PDE4D: variants seen among roughly 807,000 people sequenced by gnomAD.
PDE4D encodes the protein 3',5'-cyclic-AMP phosphodiesterase 4D.
A neutral mutation model predicts 87.4 loss-of-function variants in PDE4D; 24 were observed. The observed-to-expected ratio is 0.27, with a 90% CI of 0.20 to 0.39. PDE4D has a LOEUF of 0.39. Ranked by LOEUF, PDE4D falls within the 10% of genes least tolerant of loss-of-function variation. The pLI is 1.00. For synonymous variants in PDE4D, 384 were observed against 383.2 expected, an observed-to-expected ratio of 1.00 and a Z score of -0.02; for missense variants, 714 against 1,041.0, an observed-to-expected ratio of 0.69 and a Z score of 4.32.
At chr5:59,817,748 C>CCCA (rs1769153424) in intron 1 of PDE4D, among the ~76,000 whole-genome samples, 2 of 150,738 alleles carry the variant, frequency 1.3e-5, no homozygotes, top group Non-Finnish European at 3.0e-5. Flanking sequence ...CCACACCCCC[C>CCCA]CCCACACACA....
intron 1 of PDE4D, among the ~76,000 whole-genome samples, chr5:59,254,527 G>A (rs537305822): frequency 4.3e-4 from 65 of 152,110 alleles, no homozygotes; most frequent in Non-Finnish European, 7.1e-4. Flanking sequence ...ACCTCATGGT[G>A]CCGGATGACT....
upstream of PDE4D, among the ~76,000 whole-genome samples, chr5:59,894,488 G>C (rs1025682576): frequency 1.1e-4 from 16 of 152,190 alleles, no homozygotes; most frequent in African/African-American, 3.9e-4. Flanking sequence ...CCACAGCAGG[G>C]AGAATGCCCA....
intron 1 of PDE4D, among the ~76,000 whole-genome samples, chr5:59,770,355 A>T (rs928528128): frequency 6.6e-6 from 1 of 152,190 alleles, no homozygotes; most frequent in African/African-American, 2.4e-5. Context: ...AAAGGATTGG[A>T]CAATACTTAG....
chr5:59,229,500 C>T (rs1014711260), intron 1 of PDE4D, among the ~76,000 whole-genome samples: 1 of 152,116 alleles, frequency 6.6e-6, no homozygotes, highest in African/African-American at 2.4e-5. Context: ...GCCATGCAAT[C>T]AGGGGTGGGA....
At chr5:60,012,561 G>A (rs1401417437) in intron 2 of PDE4D, among the ~76,000 whole-genome samples, 1 of 151,900 alleles carries the variant, frequency 6.6e-6, no homozygotes, top group East Asian at 1.9e-4. Context: ...TTCCCTCTGG[G>A]TAGGAACCAT....
intron 1 of PDE4D, among the ~76,000 whole-genome samples, chr5:60,518,521 A>G (rs188295744): frequency 8.1e-4 from 124 of 152,342 alleles, no homozygotes; most frequent in Middle Eastern, 3.4e-3. Flanking sequence ...GCAACCAGGA[A>G]AGAAGAGGAT....
intron 1 of PDE4D, among the ~76,000 whole-genome samples, chr5:59,887,252 G>C (rs746125705): frequency 2.0e-5 from 3 of 152,174 alleles, no homozygotes; most frequent in Non-Finnish European, 4.4e-5. Context: ...GTGGTATGGT[G>C]AGGTTTGGGG....
At chr5:59,675,823 G>A (rs1229633232) in intron 1 of PDE4D, among the ~76,000 whole-genome samples, 3 of 152,050 alleles carry the variant, frequency 2.0e-5, no homozygotes, top group Admixed American at 6.6e-5. Flanking sequence ...CCAAGTAGCA[G>A]GGACTACAGG....
rs963455442 is a variant in PDE4D, at chr5:58,971,769, T to C, written c.*2895A>G. On this transcript the variant is annotated 3_prime_UTR_variant, in exon 15 of 15. Coordinates refer to ENST00000340635, the MANE Select transcript of PDE4D (RefSeq NM_001104631.2). ...TTTTTTTCCCCATACAGTACCCAGA[T>C]ATTGCATTTTCTTATGGCATTTTAG... 1 of 152,634 alleles carries C rather than the reference T, an allele frequency of 6.6e-6. No homozygotes were observed. Among genetic ancestry groups the C allele is most frequent in the Non-Finnish European group, 1.5e-5 (1 of 68,020 alleles). 9.5% of individuals were successfully genotyped at this position (152,634 alleles called of 1,614,324 possible).
intron 6 of PDE4D, among the ~76,000 whole-genome samples, chr5:59,029,183 C>T (rs868552281): frequency 4.9e-4 from 74 of 151,034 alleles, no homozygotes; most frequent in African/African-American, 1.7e-3. Flanking sequence ...GAGGCCGAGG[C>T]GGGCAGATCA....
At chr5:60,351,209 C>T (rs970700159) in intron 1 of PDE4D, among the ~76,000 whole-genome samples, 1 of 152,168 alleles carries the variant, frequency 6.6e-6, no homozygotes, top group Non-Finnish European at 1.5e-5. Context: ...GTATAATCCC[C>T]GTCTAGCTCA....
At chr5:60,239,327 T>A (rs1746802280) in intron 1 of PDE4D, among the ~76,000 whole-genome samples, 1 of 152,132 alleles carries the variant, frequency 6.6e-6, no homozygotes, top group Non-Finnish European at 1.5e-5. Flanking sequence ...AATGTCTTAA[T>A]CACTATACTT....
At chr5:59,019,539 G>A (rs895268799) in intron 6 of PDE4D, among the ~76,000 whole-genome samples, 2 of 152,064 alleles carry the variant, frequency 1.3e-5, no homozygotes, top group African/African-American at 4.8e-5. Context: ...CTCTGTTCCA[G>A]AGAGGCTCAC....
At chr5:59,355,080 T>C (rs1781159697) in intron 1 of PDE4D, among the ~76,000 whole-genome samples, 1 of 152,194 alleles carries the variant, frequency 6.6e-6, no homozygotes, top group Admixed American at 6.5e-5. Flanking sequence ...ATGAAACTTG[T>C]TAAAATTACA....
At chr5:60,100,209 A>G (rs1776082111) in intron 2 of PDE4D, among the ~76,000 whole-genome samples, 1 of 152,056 alleles carries the variant, frequency 6.6e-6, no homozygotes, top group Non-Finnish European at 1.5e-5. Context: ...GTATATGTAT[A>G]TTTGTGTTTG....
chr5:59,484,501 C>A (rs760009261), intron 1 of PDE4D, among the ~76,000 whole-genome samples: 8 of 152,152 alleles, frequency 5.3e-5, no homozygotes, highest in Non-Finnish European at 1.2e-4. Flanking sequence ...CAGTTAAAGC[C>A]CCCACTGAAA....
rs181430640 is a variant in PDE4D at position 59,541,679 on chromosome 5, T to C, written c.456-325711A>G. Among the ~76,000 whole-genome samples the C allele has an allele frequency of 4.1e-3, 623 of 152,316 alleles. 6 individuals carry two copies. Among genetic ancestry groups the C allele is most frequent in the African/African-American group, 0.014 (596 of 41,578 alleles). On this transcript the variant is annotated intron_variant, in intron 1 of 14. Transcript: ENST00000340635. ...TATAAAAGGGCAATCACATATATTATCAATGGGATTGATACTATTATCAAT... is the reference window on the plus strand; with the variant it reads ...TATAAAAGGGCAATCACATATATTACCAATGGGATTGATACTATTATCAAT...
intron 1 of PDE4D, among the ~76,000 whole-genome samples, chr5:59,307,411 G>A (rs533854008): frequency 6.6e-6 from 1 of 151,538 alleles, no homozygotes; most frequent in Non-Finnish European, 1.5e-5. Flanking sequence ...ACTACCATCA[G>A]AGTGAACAGG....
At chr5:59,411,398 AAAAAGACTGTATT>A (rs1217499149) in intron 1 of PDE4D, among the ~76,000 whole-genome samples, 4 of 152,206 alleles carry the variant, frequency 2.6e-5, no homozygotes, top group African/African-American at 4.8e-5. Flanking sequence ...GTAGCAAATA[AAAAAGACTGTATT>A]AATTTTCCAG....
Sources: allele counts gnomAD v4.1 joint callset (sites outside exome capture counted in the v4.1 genomes callset), GRCh38; gene constraint gnomAD v4.1.1; transcripts MANE v1.5; gene names NCBI Gene and HGNC (gene_info 2026-07-23, HGNC 2026-07-21).